The following KAZN variants were observed in gnomAD, a reference collection of about 807,000 sequenced individuals.
KAZN encodes kazrin, periplakin interacting protein.
A neutral mutation model predicts 87.4 loss-of-function variants in KAZN; 40 were observed. That is an observed-to-expected ratio of 0.46 (90% CI 0.36 to 0.60). The LOEUF (loss-of-function observed/expected upper bound fraction) is 0.60. Among genes scored for constraint, KAZN ranks in the 20% least tolerant of loss-of-function variants. The pLI is 0.00. For synonymous variants in KAZN, 466 were observed against 458.3 expected, an observed-to-expected ratio of 1.02 and a Z score of -0.22; for missense variants, 898 against 1,073.9, an observed-to-expected ratio of 0.84 and a Z score of 2.29.
chr1:14,109,900 G>T (rs1466795295), intron 1 of KAZN, among the ~76,000 whole-genome samples: 1 of 103,350 alleles, frequency 9.7e-6, no homozygotes, highest in East Asian at 4.8e-4. Flanking sequence ...TGTTCTAAAA[G>T]GATGGAGGCA....
chr1:14,099,174 C>T (rs925456116), intron 1 of KAZN, among the ~76,000 whole-genome samples: 2 of 152,070 alleles, frequency 1.3e-5, no homozygotes, highest in Admixed American at 6.5e-5. Context: ...AATCAGGGCC[C>T]TTTGCTAGAT....
Position 14,024,696 on chromosome 1 carries a change from G to C in KAZN, c.91+130940G>C, listed in dbSNP as rs374164043. 6.6e-5 allele frequency among the ~76,000 whole-genome samples: 10 copies of C among 152,280 alleles called. No individual in the cohort carries two copies. The East Asian group carries it at 1.7e-3, about 26-fold the overall frequency. On this transcript the variant is annotated intron_variant, in intron 1 of 16. Coordinates refer to the KAZN transcript ENST00000636203. ...ATTCAGATCCAAGCTGGTAGGGTTT[G>C]GCAGTCAAGGTGTGGGATAAACCCA...
chr1:14,405,517 A>G (rs531441299), intron 2 of KAZN, among the ~76,000 whole-genome samples: 7 of 152,020 alleles, frequency 4.6e-5, no homozygotes, highest in Non-Finnish European at 1.0e-4. Flanking sequence ...AGTCCAAAAG[A>G]CCTGCCTCAG....
At chr1:14,169,187 G>A (rs1206298189) in intron 1 of KAZN, among the ~76,000 whole-genome samples, 1 of 152,096 alleles carries the variant, frequency 6.6e-6, no homozygotes, top group Non-Finnish European at 1.5e-5. Context: ...GGCAGGAGAC[G>A]GCTGGGTCTC....
At chr1:14,108,297 C>G (rs969116863) in intron 1 of KAZN, among the ~76,000 whole-genome samples, 15 of 152,264 alleles carry the variant, frequency 9.9e-5, no homozygotes, top group African/African-American at 3.6e-4. Flanking sequence ...TTTTGTGGCT[C>G]TCTCACAGCC....
intron 2 of KAZN, among the ~76,000 whole-genome samples, chr1:14,367,840 C>T (rs1660141578): frequency 6.6e-6 from 1 of 152,224 alleles, no homozygotes; most frequent in South Asian, 2.1e-4. Context: ...CTTCCATTTT[C>T]AATGTAGTCC....
At chr1:14,986,589 C>T (rs549862833) in intron 2 of KAZN, among the ~76,000 whole-genome samples, 3 of 152,242 alleles carry the variant, frequency 2.0e-5, no homozygotes, top group South Asian at 4.1e-4. Flanking sequence ...GTGTGTGGGC[C>T]ACTGAGTACG....
chr1:13,981,911 G>A (rs1280553961), intron 1 of KAZN, among the ~76,000 whole-genome samples: 2 of 152,144 alleles, frequency 1.3e-5, no homozygotes, highest in African/African-American at 4.8e-5. Flanking sequence ...ATTAGAGGGT[G>A]GGACTTTCTC....
intron 1 of KAZN, among the ~76,000 whole-genome samples, chr1:13,966,197 CCTTCCCTCCCTCCTACT>C (rs1641937841): frequency 6.6e-6 from 1 of 151,950 alleles, no homozygotes; most frequent in South Asian, 2.1e-4. Flanking sequence ...CCCTCCTACT[CCTTCCCTCCCTCCTACT>C]CCCTCAACAC....
chr1:15,091,643 C>A (rs745423996), intron 8 of KAZN, among the ~76,000 whole-genome samples: 1 of 152,226 alleles, frequency 6.6e-6, no homozygotes, highest in Non-Finnish European at 1.5e-5. Context: ...CGCACCCGGC[C>A]GTGTTTTCCT....
intron 2 of KAZN, among the ~76,000 whole-genome samples, chr1:14,472,658 TC>T (rs1027283893): frequency 6.6e-6 from 1 of 151,798 alleles, no homozygotes; most frequent in African/African-American, 2.4e-5. Flanking sequence ...TTTTTTTTTT[TC>T]CTTCACAATT....
intron 1 of KAZN, among the ~76,000 whole-genome samples, chr1:14,672,942 G>A (rs1639999134): frequency 6.6e-6 from 1 of 152,268 alleles, no homozygotes. Context: ...TCTGGCTTAG[G>A]CACAGCCTGA....
intron 1 of KAZN, among the ~76,000 whole-genome samples, chr1:14,663,299 G>A (rs2148719766): frequency 6.6e-6 from 1 of 152,254 alleles, no homozygotes; most frequent in Admixed American, 6.5e-5. Context: ...GTACATGGGA[G>A]GCATTCTTAC....
chr1:13,931,907 G>A (rs1190969873), intron 1 of KAZN, among the ~76,000 whole-genome samples: 1 of 151,938 alleles, frequency 6.6e-6, no homozygotes, highest in Non-Finnish European at 1.5e-5. Flanking sequence ...GCACGATCTT[G>A]GCTCACTGCA....
At chr1:14,415,192 CATT>C (rs1358825296) in intron 2 of KAZN, among the ~76,000 whole-genome samples, 1 of 152,072 alleles carries the variant, frequency 6.6e-6, no homozygotes, top group African/African-American at 2.4e-5. Context: ...ACATTATTCT[CATT>C]ATTTTCCTTG....
intron 1 of KAZN, among the ~76,000 whole-genome samples, chr1:14,600,666 CAAAAAAAAAA>C (rs59840012): frequency 5.1e-4 from 60 of 118,464 alleles, no homozygotes; most frequent in Admixed American, 4.8e-4. Flanking sequence ...GGAACCTGTG[CAAAAAAAAAA>C]AAAAAAAAAA....
chr1:14,152,747 T>A (rs1358909350), intron 1 of KAZN, among the ~76,000 whole-genome samples: 1 of 152,202 alleles, frequency 6.6e-6, no homozygotes, highest in Non-Finnish European at 1.5e-5. Flanking sequence ...CTAATTTTAG[T>A]TTTTTGAGAA....
intron 1 of KAZN, among the ~76,000 whole-genome samples, chr1:14,751,510 C>T (rs1222666523): frequency 6.6e-6 from 1 of 152,212 alleles, no homozygotes; most frequent in Non-Finnish European, 1.5e-5. Context: ...AAGGTAGGCA[C>T]TATGACTGTC....
chr1:14,146,407 G>A (rs1645349435), intron 1 of KAZN, among the ~76,000 whole-genome samples: 2 of 151,436 alleles, frequency 1.3e-5, no homozygotes, highest in Admixed American at 1.3e-4. Context: ...ATGGTGGTGG[G>A]CACCTGTAAT....
Sources: allele counts gnomAD v4.1 joint callset (sites outside exome capture counted in the v4.1 genomes callset), GRCh38; gene constraint gnomAD v4.1.1; transcripts MANE v1.5; gene names NCBI Gene and HGNC (gene_info 2026-07-23, HGNC 2026-07-21).